The following EEF1E1 variants were observed in gnomAD, a reference collection of about 807,000 sequenced individuals.
EEF1E1 encodes the protein eukaryotic translation elongation factor 1 epsilon 1.
In EEF1E1, 19 loss-of-function variants were observed where a neutral mutation model predicts 19.9. The ratio of observed to expected loss-of-function variants is 0.95; its 90% CI spans 0.66 to 1.40. The LOEUF (loss-of-function observed/expected upper bound fraction) is 1.40. Among genes scored for constraint, EEF1E1 ranks in the 40% most tolerant of loss-of-function variants. The probability of loss-of-function intolerance (pLI) is 0.00; values close to 1 mark genes in which losing one functional copy is unlikely to be tolerated. For synonymous variants in EEF1E1, 81 were observed against 80.0 expected (o/e 1.01, Z -0.07); for missense variants, 198 against 202.2 (o/e 0.98, Z 0.13).
chr6:8,098,066 ATT>A (rs923515179), intron 1 of EEF1E1, among the ~76,000 whole-genome samples: 1 of 144,616 alleles, frequency 6.9e-6, no homozygotes, highest in African/African-American at 2.4e-5. Context: ...TGAAAAAAGA[ATT>A]GTTTTTTTGG....
At chr6:8,078,479 T>C, downstream of EEF1E1, 1 of 253,714 alleles carries the variant, frequency 3.9e-6, no homozygotes, top group Non-Finnish European at 7.2e-6. Context: ...TGAAAAAAAT[T>C]CAAAATAATG....
At chr6:8,088,063 A>G (rs568014997) in intron 3 of EEF1E1, among the ~76,000 whole-genome samples, 1 of 150,234 alleles carries the variant, frequency 6.7e-6, no homozygotes, top group East Asian at 2.0e-4. Context: ...TGACCTCTCT[A>G]CGCCTCAGTT....
intron 1 of EEF1E1, chr6:8,101,917 T>C: frequency 1.6e-6 from 2 of 1,239,918 alleles, no homozygotes; most frequent in Non-Finnish European, 2.1e-6. Flanking sequence ...TCTTCCAATT[T>C]AAATGGTTGC....
intron 1 of EEF1E1, chr6:8,101,868 TTAGGTG>T (rs1231019729): frequency 7.8e-7 from 1 of 1,274,046 alleles, no homozygotes; most frequent in Non-Finnish European, 1.0e-6. Flanking sequence ...CCAAGACTCC[TTAGGTG>T]TTCTCTCTGC....
At chr6:8,079,140 T>TA (rs929837285), downstream of EEF1E1, among the ~76,000 whole-genome samples, 2 of 152,166 alleles carry the variant, frequency 1.3e-5, no homozygotes, top group African/African-American at 2.4e-5. Flanking sequence ...GCTTTCAGTT[T>TA]AAAAAAATCT....
chr6:8,093,012 C>A (rs978490856), intron 2 of EEF1E1, among the ~76,000 whole-genome samples: 1 of 151,178 alleles, frequency 6.6e-6, no homozygotes, highest in Non-Finnish European at 1.5e-5. Flanking sequence ...GTAGCTGGGA[C>A]TACAGGCACA....
intron 1 of EEF1E1, among the ~76,000 whole-genome samples, chr6:8,101,244 AT>A (rs1330301077): frequency 0.29 from 11,981 of 41,276 alleles, 3,084 homozygotes; most frequent in Middle Eastern, 0.4. Flanking sequence ...AAAAAAAAAA[AT>A]ATATATATAT....
intron 1 of EEF1E1, among the ~76,000 whole-genome samples, chr6:8,099,639 C>T (rs530677303): frequency 3.4e-4 from 51 of 151,944 alleles, no homozygotes; most frequent in South Asian, 8.3e-4. Flanking sequence ...CCCTGCTACA[C>T]GGGAGGCTGA....
chr6:8,085,828 C>T (rs1336161126), intron 3 of EEF1E1, among the ~76,000 whole-genome samples: 2 of 152,232 alleles, frequency 1.3e-5, no homozygotes, highest in Non-Finnish European at 2.9e-5. Flanking sequence ...TTATCTGCCT[C>T]ATGCATTAAT....
intron 1 of EEF1E1, among the ~76,000 whole-genome samples, chr6:8,101,225 CAA>C (rs778878465): frequency 1.3e-3 from 4 of 3,116 alleles, no homozygotes; most frequent in Admixed American, 5.2e-3. Context: ...GACTTTGTCT[CAA>C]AAAAAAAAAA....
At chr6:8,099,503 T>C (rs1758264092) in intron 1 of EEF1E1, among the ~76,000 whole-genome samples, 1 of 152,018 alleles carries the variant, frequency 6.6e-6, no homozygotes, top group Non-Finnish European at 1.5e-5. Context: ...TCCCAGCACT[T>C]TGGGAGGCTG....
intron 3 of EEF1E1, among the ~76,000 whole-genome samples, chr6:8,085,730 T>A (rs973947574): frequency 6.6e-6 from 1 of 152,200 alleles, no homozygotes; most frequent in Non-Finnish European, 1.5e-5. Context: ...ATCATAAGCT[T>A]TCCAAAACAA....
At chr6:8,089,941 G>C (rs1757969983) in intron 3 of EEF1E1, 2 of 389,434 alleles carry the variant, frequency 5.1e-6, no homozygotes, top group Non-Finnish European at 9.0e-6. Context: ...CTGATAAGCT[G>C]AAAATGCAAA....
chr6:8,086,436 A>C (rs190634624), intron 3 of EEF1E1, among the ~76,000 whole-genome samples: 24 of 151,782 alleles, frequency 1.6e-4, no homozygotes, highest in Non-Finnish European at 2.7e-4. Flanking sequence ...CAGAGGAGAA[A>C]ACGACTTTGT....
chr6:8,097,209 G>C (rs1758199759), intron 2 of EEF1E1, 58 bp downstream of exon 2: 2 of 1,527,622 alleles, frequency 1.3e-6, no homozygotes, highest in Non-Finnish European at 9.1e-7. Flanking sequence ...AATCTCAGGG[G>C]AAAGAGATTT....
intron 3 of EEF1E1, among the ~76,000 whole-genome samples, chr6:8,085,640 G>C (rs1225714397): frequency 1.3e-5 from 2 of 152,100 alleles, no homozygotes; most frequent in Non-Finnish European, 2.9e-5. Context: ...ATTATTAATA[G>C]GCCTCCTTTC....
intron 1 of EEF1E1, among the ~76,000 whole-genome samples, chr6:8,098,366 C>T (rs1313339294): frequency 6.6e-6 from 1 of 152,158 alleles, no homozygotes; most frequent in Non-Finnish European, 1.5e-5. Flanking sequence ...GATCCACCCA[C>T]CTCGGCCTCC....
chr6:8,100,263 C>G (rs1015484973), intron 1 of EEF1E1, among the ~76,000 whole-genome samples: 6 of 152,222 alleles, frequency 3.9e-5, no homozygotes, highest in African/African-American at 1.4e-4. Context: ...CCCAATCCTT[C>G]ATAATTTATT....
intron 3 of EEF1E1, among the ~76,000 whole-genome samples, chr6:8,088,861 T>C (rs1278985320): frequency 6.6e-6 from 1 of 150,770 alleles, no homozygotes; most frequent in East Asian, 2.0e-4. Context: ...GGAGGAAGGC[T>C]CGGTGATAAG....
Sources: allele counts gnomAD v4.1 joint callset (sites outside exome capture counted in the v4.1 genomes callset), GRCh38; gene constraint gnomAD v4.1.1; transcripts MANE v1.5; gene names NCBI Gene and HGNC (gene_info 2026-07-23, HGNC 2026-07-21).